The following STARD9 variants were observed in gnomAD, a reference collection of about 807,000 sequenced individuals.
STARD9 encodes the protein stAR-related lipid transfer protein 9.
Under a neutral mutation model 399.8 loss-of-function variants are expected in STARD9, and 346 were observed. The observed-to-expected ratio is 0.87, with a 90% CI of 0.79 to 0.95. The LOEUF (loss-of-function observed/expected upper bound fraction) is 0.95, where lower values mean the gene tolerates loss of function less well. STARD9 is among the 40% of genes least tolerant of loss of function. The probability of loss-of-function intolerance (pLI) is 0.00; values close to 1 mark genes in which losing one functional copy is unlikely to be tolerated. For synonymous variants in STARD9, 2,203 were observed against 2,143.5 expected (o/e 1.03, Z -0.77); for missense variants, 5,832 against 5,667.5 (o/e 1.03, Z -0.93).
chr15:42,616,352 T>C (rs1176145905), intron 3 of STARD9, among the ~76,000 whole-genome samples: 3 of 152,192 alleles, frequency 2.0e-5, no homozygotes, highest in African/African-American at 7.2e-5. Context: ...TATTCAGAAA[T>C]ACTGAAGGGG....
At chr15:42,668,501 G>C (rs1322778920) in intron 15 of STARD9, among the ~76,000 whole-genome samples, 2 of 151,886 alleles carry the variant, frequency 1.3e-5, no homozygotes, top group Non-Finnish European at 2.9e-5. Context: ...TGTCCCTAAA[G>C]TGGTCTTAGC....
Position 42,718,144 on chromosome 15 carries a change from G to T in STARD9, c.13727G>T (p.Arg4576Met). Residue 4576 changes from arginine to methionine, a missense_variant, in exon 30 of 33, where the codon AGG becomes ATG. Physicochemically the swap from Arg to Met is moderately conservative, Grantham distance 91. This residue lies in a region of STARD9 where 5,828 missense variants were observed against 5,651.1 expected (regional missense o/e 1.03). Coordinates refer to ENST00000290607, the MANE Select transcript of STARD9 (RefSeq NM_020759.3). ...PLYYKPIQTARLHQRVTNSIS... is the reference protein window; with the variant it reads ...PLYYKPIQTAMLHQRVTNSIS... ...TATTACAAGCCCATCCAGACAGCAA[G>T]GCTGCATCAGCGAGTGACCAACAGC... 6.5e-7 allele frequency: 1 copy of T among 1,537,162 alleles called. No homozygotes were observed. The highest frequency in any genetic ancestry group is 8.7e-7 in the Non-Finnish European group (1 of 1,146,902).
intron 3 of STARD9, among the ~76,000 whole-genome samples, chr15:42,615,231 A>T (rs1595639911): frequency 6.6e-6 from 1 of 152,138 alleles, no homozygotes; most frequent in East Asian, 1.9e-4. Flanking sequence ...TCTGGTCTCA[A>T]ACTCCTGACC....
chr15:42,658,090 A>G (rs1438885168), intron 9 of STARD9, among the ~76,000 whole-genome samples: 1 of 152,226 alleles, frequency 6.6e-6, no homozygotes, highest in African/African-American at 2.4e-5. Context: ...TAAAAACACA[A>G]ATTGAACAGA....
chr15:42,698,515 A>T (rs972668929), intron 26 of STARD9, among the ~76,000 whole-genome samples: 1 of 151,962 alleles, frequency 6.6e-6, no homozygotes, highest in Non-Finnish European at 1.5e-5. Context: ...TTTTTCTCTT[A>T]CCAATTTGGA....
At chr15:42,706,233 C>A (rs1357914453) in intron 26 of STARD9, among the ~76,000 whole-genome samples, 1 of 152,072 alleles carries the variant, frequency 6.6e-6, no homozygotes, top group African/African-American at 2.4e-5. Flanking sequence ...TTAAAGTTTT[C>A]TTCATATGTC....
chr15:42,690,501 C>G lies in STARD9; in HGVS notation c.8923C>G (p.Leu2975Val), dbSNP rs1167692012. Residue 2975 changes from leucine to valine, a missense_variant, in exon 23 of 33, where the codon CTG becomes GTG. Leu to Val is a conservative substitution (Grantham distance 32, BLOSUM62 1). Coordinates refer to ENST00000290607, the MANE Select transcript of STARD9 (RefSeq NM_020759.3). ...HAYSSHSSTLLCFRDGDLGKE... is the reference protein window; with the variant it reads ...HAYSSHSSTLVCFRDGDLGKE... ...TTATTCCTCCCATTCCTCTACTTTA[C>G]TGTGTTTTAGAGATGGTGACCTAGG... 3.3e-6 allele frequency: 5 copies of G among 1,537,220 alleles called. No individual in the cohort carries two copies. The highest frequency in any genetic ancestry group is 4.4e-6 in the Non-Finnish European group (5 of 1,146,912).
At chr15:42,656,754 A>G (rs1411149786) in intron 9 of STARD9, among the ~76,000 whole-genome samples, 1 of 152,204 alleles carries the variant, frequency 6.6e-6, no homozygotes, top group Non-Finnish European at 1.5e-5. Flanking sequence ...TCTCACTCAT[A>G]AATGGGAGCT....
chr15:42,679,263 A>G (rs2060377162), intron 20 of STARD9, among the ~76,000 whole-genome samples: 1 of 152,220 alleles, frequency 6.6e-6, no homozygotes, highest in East Asian at 1.9e-4. Context: ...ATATGGATGT[A>G]TGTTTCCTGT....
At chr15:42,600,866 T>C (rs573448038) in intron 3 of STARD9, among the ~76,000 whole-genome samples, 210 of 151,134 alleles carry the variant, frequency 1.4e-3, no homozygotes, top group East Asian at 7.9e-3. Flanking sequence ...TTCTTTCTTT[T>C]TTTTTTTTTT....
At chr15:42,706,004 C>T (rs2061070382) in intron 26 of STARD9, among the ~76,000 whole-genome samples, 1 of 152,204 alleles carries the variant, frequency 6.6e-6, no homozygotes, top group African/African-American at 2.4e-5. Flanking sequence ...CTGCCTACCT[C>T]AGCCTCCCAA....
At chr15:42,698,661 C>G (rs1216459527) in intron 26 of STARD9, among the ~76,000 whole-genome samples, 1 of 152,078 alleles carries the variant, frequency 6.6e-6, no homozygotes, top group Non-Finnish European at 1.5e-5. Context: ...GTCCGTTTTC[C>G]TTTTATGGTA....
In STARD9 at chr15:42,686,168, T is replaced by C. The variant is rs926814988; in HGVS notation, c.4590T>C (p.Thr1530=). The C allele has an allele frequency of 6.5e-7, 1 of 1,537,296 alleles. No individual in the cohort carries two copies. The highest frequency in any genetic ancestry group is 8.7e-7 in the Non-Finnish European group (1 of 1,146,942). Residue 1530 remains threonine (T), a synonymous_variant, in exon 23 of 33, where the codon ACT becomes ACC. Transcript: ENST00000290607. The part of the protein sequence containing the change: ...LAQASSKGGD[T]LLPVGPRVSS... ...AAGCTTCTAGCAAAGGAGGAGATAC[T>C]CTATTGCCAGTTGGCCCTAGGGTAT...
At chr15:42,631,345 G>A (rs1440433308) in intron 3 of STARD9, among the ~76,000 whole-genome samples, 1 of 152,026 alleles carries the variant, frequency 6.6e-6, no homozygotes, top group African/African-American at 2.4e-5. Context: ...ACTTTGTGAC[G>A]CCAAGTTGGG....
At chr15:42,608,951 A>T (rs1328743992) in intron 3 of STARD9, among the ~76,000 whole-genome samples, 1 of 152,150 alleles carries the variant, frequency 6.6e-6, no homozygotes, top group African/African-American at 2.4e-5. Flanking sequence ...CCGAGCATGC[A>T]CTGTGCGTTG....
Position 42,719,849 on chromosome 15 carries a change from CT to C in STARD9, c.*278del, listed in dbSNP as rs1228364833. On this transcript the variant is annotated 3_prime_UTR_variant, in exon 33 of 33. Transcript: ENST00000290607. ...TCCGCTCACCTTTTGGATTTCTCAC[CT>C]TTCTTTCCTGTTTCTGGGACTCTGC... is the stretch of plus-strand genomic sequence containing the variant. 1.7e-5 allele frequency: 6 copies of C among 361,496 alleles called. No individual in the cohort carries two copies. The Admixed American group carries it at 2.6e-4, about 16-fold the overall frequency. The allele number at this position is 361,496 out of a possible 1,614,324, so 22.4% of individuals were successfully genotyped here.
intron 10 of STARD9, among the ~76,000 whole-genome samples, chr15:42,662,274 A>C (rs1028416022): frequency 5.3e-5 from 8 of 152,260 alleles, no homozygotes; most frequent in Admixed American, 1.3e-4. Flanking sequence ...GGGTAAGATG[A>C]AATAAGGCAA....
At chr15:42,705,182 G>A (rs2061049245) in intron 26 of STARD9, among the ~76,000 whole-genome samples, 1 of 152,148 alleles carries the variant, frequency 6.6e-6, no homozygotes, top group Admixed American at 6.5e-5. Flanking sequence ...CTGCCATGTG[G>A]GCGGTGTCTC....
At position 42,684,673 on chromosome 15, in the gene STARD9, A is replaced by G; in HGVS notation, c.3095A>G (p.Tyr1032Cys). Residue 1032 changes from tyrosine (Y) to cysteine (C), a missense_variant, in exon 23 of 33, where the codon TAC (tyrosine) becomes TGC (cysteine). By Grantham distance (194) the Tyr-to-Cys change is radical. Coordinates refer to ENST00000290607, the MANE Select transcript of STARD9 (RefSeq NM_020759.3). ...GCAGTCAAGACTTTTTGGACAGAAT[A>G]CAAACCACCTTCTCCAAGCAGGGCA... ...GKAVKTFWTE[Y>C]KPPSPSRASK... 1 of 1,537,168 alleles carries G rather than the reference A, an allele frequency of 6.5e-7. No homozygotes were observed. The highest frequency in any genetic ancestry group is 8.7e-7 in the Non-Finnish European group (1 of 1,146,896).
Sources: gnomAD v4.1 joint callset for allele counts (sites outside exome capture counted in the v4.1 genomes callset) on GRCh38, gnomAD v4.1.1 for gene constraint, gnomAD v4.1.1 regional missense constraint, MANE v1.5 for transcripts, NCBI Gene and HGNC (gene_info 2026-07-23, HGNC 2026-07-21) for gene names.